FRMPD4: variants seen among roughly 807,000 people sequenced by gnomAD.
FRMPD4 encodes the protein FERM and PDZ domain containing 4.
A neutral mutation model predicts 94.1 loss-of-function variants in FRMPD4; 22 were observed. The observed-to-expected ratio is 0.23, with a 90% CI of 0.17 to 0.33. FRMPD4 has a LOEUF of 0.33. Among genes scored for constraint, FRMPD4 ranks in the 10% least tolerant of loss-of-function variants. FRMPD4 has a pLI of 1.00. For missense variants in FRMPD4, 1,111 were observed against 1,339.9 expected, an observed-to-expected ratio of 0.83 and a Z score of 2.67; for synonymous variants, 631 against 548.6, an observed-to-expected ratio of 1.15 and a Z score of -2.10.
chrX:12,617,515 G>A (rs959974585), intron 4 of FRMPD4, among the ~76,000 whole-genome samples: 3 of 111,963 alleles, frequency 2.7e-5, no homozygotes, highest in African/African-American at 9.8e-5. Context: ...CTTCCCATAA[G>A]TTTAGTCATC....
At chrX:12,313,566 A>C (rs1000337760) in intron 1 of FRMPD4, among the ~76,000 whole-genome samples, 1 of 112,555 alleles carries the variant, frequency 8.9e-6, no homozygotes, top group African/African-American at 3.2e-5. Flanking sequence ...CAAATGGATA[A>C]ATCTACCAAA....
At chrX:12,301,447 A>C (rs761197927) in intron 1 of FRMPD4, among the ~76,000 whole-genome samples, 2 of 111,064 alleles carry the variant, frequency 1.8e-5, no homozygotes, top group South Asian at 7.8e-4. Flanking sequence ...CAATATACAG[A>C]TGCTCTGCTC....
chrX:12,179,839 T>C (rs1484516279), intron 1 of FRMPD4, among the ~76,000 whole-genome samples: 1 of 110,433 alleles, frequency 9.1e-6, no homozygotes, highest in Non-Finnish European at 1.9e-5. Flanking sequence ...GCCTCTGTTG[T>C]GTTCTAGTTT....
At chrX:12,380,634 T>C (rs1258141045) in intron 1 of FRMPD4, among the ~76,000 whole-genome samples, 1 of 112,259 alleles carries the variant, frequency 8.9e-6, no homozygotes, top group Non-Finnish European at 1.9e-5. Context: ...GTTGCTGCAA[T>C]AATCATTTCT....
At chrX:11,955,076 T>C (rs186591088) in intron 3 of FRMPD4, among the ~76,000 whole-genome samples, 53 of 111,399 alleles carry the variant, frequency 4.8e-4, no homozygotes, top group Non-Finnish European at 1.3e-4. Context: ...CCACTTCTTA[T>C]AGACGGTGCA....
At chrX:12,343,066 G>A (rs1460570934) in intron 1 of FRMPD4, among the ~76,000 whole-genome samples, 1 of 112,067 alleles carries the variant, frequency 8.9e-6, no homozygotes, top group Non-Finnish European at 1.9e-5. Flanking sequence ...CCCATAAACG[G>A]GAAAGGAAGG....
At chrX:12,139,500 G>C (rs2055657181) in intron 1 of FRMPD4, among the ~76,000 whole-genome samples, 2 of 105,814 alleles carry the variant, frequency 1.9e-5, no homozygotes, top group Admixed American at 2.0e-4. Context: ...CGGTAACCTA[G>C]ATGGCGAAGT....
At chrX:12,667,463 C>T (rs1017816281) in intron 4 of FRMPD4, among the ~76,000 whole-genome samples, 3 of 112,131 alleles carry the variant, frequency 2.7e-5, no homozygotes, top group Non-Finnish European at 5.6e-5. Context: ...AGAAAATATA[C>T]ATTAGCACAT....
At chrX:12,077,186 C>T (rs936246304) in intron 3 of FRMPD4, among the ~76,000 whole-genome samples, 3 of 112,295 alleles carry the variant, frequency 2.7e-5, no homozygotes, top group Non-Finnish European at 5.6e-5. Flanking sequence ...TCATCTGCCT[C>T]CTCCATCGCA....
chrX:12,153,259 T>C (rs748561341), intron 1 of FRMPD4, among the ~76,000 whole-genome samples: 3 of 112,232 alleles, frequency 2.7e-5, no homozygotes, highest in Non-Finnish European at 5.6e-5. Flanking sequence ...TAAATTTTAT[T>C]AATTGTTGAC....
chrX:12,063,084 A>T (rs779297980), intron 3 of FRMPD4, among the ~76,000 whole-genome samples: 1 of 112,244 alleles, frequency 8.9e-6, no homozygotes, highest in East Asian at 2.8e-4. Context: ...CAAATTAAGA[A>T]TGCTACTAGG....
chrX:12,066,806 T>C (rs2054923407), intron 3 of FRMPD4, among the ~76,000 whole-genome samples: 1 of 108,145 alleles, frequency 9.2e-6, no homozygotes, highest in Non-Finnish European at 1.9e-5. Context: ...CTATATTTTC[T>C]CTAGTTTATA....
chrX:12,296,606 G>A (rs144980556), intron 1 of FRMPD4, among the ~76,000 whole-genome samples: 1,712 of 112,120 alleles, frequency 0.015, 42 homozygotes, highest in African/African-American at 0.053. Flanking sequence ...TTCAGGAACT[G>A]CAACCTCAGG....
intron 1 of FRMPD4, among the ~76,000 whole-genome samples, chrX:12,359,697 C>T (rs1395874484): frequency 5.4e-5 from 6 of 111,030 alleles, no homozygotes; most frequent in South Asian, 3.8e-4. Flanking sequence ...CTTGAACTCC[C>T]GACCTCATGA....
chrX:12,646,220 T>A (rs752009954), intron 4 of FRMPD4, among the ~76,000 whole-genome samples: 1 of 111,955 alleles, frequency 8.9e-6, no homozygotes, highest in Non-Finnish European at 1.9e-5. Context: ...CTTGTATGAG[T>A]GAAACATTTT....
At chrX:11,851,121 G>C (rs1158769443) in intron 1 of FRMPD4, among the ~76,000 whole-genome samples, 6 of 111,817 alleles carry the variant, frequency 5.4e-5, no homozygotes, top group Non-Finnish European at 1.1e-4. Flanking sequence ...GCTAGAGGGA[G>C]CAGGCCCAGG....
At position 11,875,802 on chromosome X, in the gene FRMPD4, GC is replaced by G. The variant is rs1002099027; in HGVS notation, c.-29-2087del. ...CCCCCTACACTAATCTCCAAAATAA[GC>G]CCCCCAGAGGGGACAGAAAGCCTTG... On this transcript the variant is annotated intron_variant, in intron 2 of 18. Transcript: ENST00000640291. Among the ~76,000 whole-genome samples the G allele has an allele frequency of 9.4e-5, 10 of 106,200 alleles. No homozygotes were observed. The Admixed American group carries it at 1.0e-3, about 11-fold the overall frequency. 92.2% of individuals were successfully genotyped at this position (106,200 alleles called of 115,157 possible). A position where few individuals can be genotyped will look rare whatever the true frequency, so the allele number is the denominator to read the frequency against.
intron 1 of FRMPD4, among the ~76,000 whole-genome samples, chrX:12,415,528 C>G (rs1284506918): frequency 8.9e-6 from 1 of 111,801 alleles, no homozygotes; most frequent in Non-Finnish European, 1.9e-5. Context: ...TTTTCTATCT[C>G]CTTTACTGTT....
At position 11,975,430 on chromosome X, in the gene FRMPD4, A is replaced by T. The variant is rs749978397; in HGVS notation, c.95+97412A>T. Among the ~76,000 whole-genome samples, 3 of 112,445 alleles carry T rather than the reference A, an allele frequency of 2.7e-5. No homozygotes were observed. In the South Asian group the frequency reaches 1.1e-3, roughly 42 times the overall value. On this transcript the variant is annotated intron_variant, in intron 3 of 18. Coordinates refer to the FRMPD4 transcript ENST00000640291. The stretch of plus-strand genomic sequence containing the variant: ...TTGGCAGGATTGTTCAAAAAGTTTA[A>T]AACATGTAGAACATCTAGCACAAGA...
Sources: allele counts gnomAD v4.1 joint callset (sites outside exome capture counted in the v4.1 genomes callset), GRCh38; gene constraint gnomAD v4.1.1; transcripts MANE v1.5; gene names NCBI Gene and HGNC (gene_info 2026-07-23, HGNC 2026-07-21).